EP300: variants seen among roughly 807,000 people sequenced by gnomAD.
EP300 encodes the protein EP300 lysine acetyltransferase.
Under a neutral mutation model 264.0 loss-of-function variants are expected in EP300, and 31 were observed. The ratio of observed to expected loss-of-function variants is 0.12; its 90% CI spans 0.09 to 0.16. The LOEUF (loss-of-function observed/expected upper bound fraction) is 0.16. Among genes scored for constraint, EP300 ranks in the 10% least tolerant of loss-of-function variants. The pLI, the probability that EP300 is intolerant of heterozygous loss-of-function variation, is 1.00. For missense variants in EP300, 2,766 were observed against 3,052.9 expected (o/e 0.91, Z 2.21); for synonymous variants, 1,340 against 1,045.4 (o/e 1.28, Z -5.44).
chr22:41,093,108 G>A lies in EP300; in HGVS notation c.94+10G>A, dbSNP rs375565921. On this transcript the variant is annotated intron_variant, in intron 1 of 30. Transcript: ENST00000263253. ...GCCAGCGATGGCACAGGTTAGTTTC[G>A]GCAGCCCCGGCCTTCCACGTTCCCT... is the stretch of plus-strand genomic sequence containing the variant. 6.2e-6 allele frequency: 10 copies of A among 1,613,508 alleles called. No homozygotes were observed. In the African/African-American group the frequency reaches 1.2e-4, roughly 19 times the overall value.
chr22:41,148,932 T>G, intron 12 of EP300, 106 bp from the exon 13 acceptor site: 1 of 1,524,414 alleles, frequency 6.6e-7, no homozygotes, highest in Non-Finnish European at 9.0e-7. Flanking sequence ...GTCTTTGGCT[T>G]TTCTCTACTT....
intron 2 of EP300, among the ~76,000 whole-genome samples, chr22:41,120,995 C>A (rs1427848101): frequency 1.1e-4 from 17 of 152,166 alleles, no homozygotes; most frequent in Admixed American, 1.1e-3. Flanking sequence ...CTAAGCCTGG[C>A]CACATTTTTT....
At chr22:41,140,985 C>A in intron 9 of EP300, 63 bp from the exon 10 acceptor site, 1 of 1,474,614 alleles carries the variant, frequency 6.8e-7, no homozygotes, top group African/African-American at 1.4e-5. Flanking sequence ...TTTATTTTTT[C>A]TGTTACCTGG....
rs1370022797 is a variant in EP300, at chr22:41,170,390, C to T, written c.4287-16C>T. ...TTATCTCTTTTCCTTAATGTTCTTT[C>T]TCTTTGTATTGTTAGTTACACAACA... On this transcript the variant is annotated splice_polypyrimidine_tract_variant and intron_variant, in intron 26 of 30. Transcript: ENST00000263253. 2 of 1,610,726 alleles carry T rather than the reference C, an allele frequency of 1.2e-6. No individual in the cohort carries two copies. The highest frequency in any genetic ancestry group is 1.7e-6 in the Non-Finnish European group (2 of 1,176,974).
chr22:41,152,333 G>T lies in EP300; in HGVS notation c.3125G>T (p.Gly1042Val), dbSNP rs1445263887. ...TSATQSSPAP[G>V]QSKKKIFKPE... is the part of the protein sequence containing the mutation. ...GCTACCCAGTCATCTCCGGCTCCAG[G>T]ACAGTCAAAGAAAAAGAGTGAGTCT... is the stretch of plus-strand genomic sequence containing the variant. The change falls in exon 16 of 31, where the codon GGA becomes GTA. Residue 1042 changes from glycine (G) to valine (V), a missense_variant. Gly to Val is a moderately radical substitution (Grantham distance 109). Coordinates refer to ENST00000263253, the MANE Select transcript of EP300 (RefSeq NM_001429.4). 2 of 1,613,648 alleles carry T rather than the reference G, an allele frequency of 1.2e-6. No homozygotes were observed. The highest frequency in any genetic ancestry group is 1.7e-6 in the Non-Finnish European group (2 of 1,179,810).
intron 1 of EP300, among the ~76,000 whole-genome samples, chr22:41,099,369 T>C (rs2058719076): frequency 6.6e-6 from 1 of 152,190 alleles, no homozygotes; most frequent in African/African-American, 2.4e-5. Flanking sequence ...TAGTCCCCCC[T>C]TATCCTTGCG....
chr22:41,170,540 C>G lies in EP300; in HGVS notation c.4421C>G (p.Ala1474Gly), dbSNP rs1187857902. 2 of 1,613,762 alleles carry G rather than the reference C, an allele frequency of 1.2e-6. No homozygotes were observed. Among genetic ancestry groups the G allele is most frequent in the East Asian group, 4.5e-5 (2 of 44,880 alleles). Residue 1474 changes from alanine (A) to glycine (G), a missense_variant, in exon 27 of 31, where the codon GCT becomes GGT. By Grantham distance (60) the Ala-to-Gly change is moderately conservative. Transcript: ENST00000263253. ...TGGTACAAAAAAATGCTTGACAAGG[C>G]TGTATCAGAGCGTATTGTCCATGAC... ...QEWYKKMLDKAVSERIVHDYK... is the reference protein window; with the variant it reads ...QEWYKKMLDKGVSERIVHDYK...
chr22:41,157,844 T>G (rs867813941), intron 18 of EP300, among the ~76,000 whole-genome samples: 1 of 152,190 alleles, frequency 6.6e-6, no homozygotes, highest in Non-Finnish European at 1.5e-5. Flanking sequence ...TCTTACTGTG[T>G]GCCACAGTAG....
At position 41,177,667 on chromosome 22, in the gene EP300, C is replaced by T. The variant is rs2059209741; in HGVS notation, c.5956C>T (p.Pro1986Ser). 6.2e-7 allele frequency: 1 copy of T among 1,613,842 alleles called. No homozygotes were observed. Among genetic ancestry groups the T allele is most frequent in the Non-Finnish European group, 8.5e-7 (1 of 1,180,040 alleles). The change falls in exon 31 of 31, where the codon CCG becomes TCG. Residue 1986 changes from proline to serine, a missense_variant. Transcript: ENST00000263253. Reference sequence around the variant, plus strand: ...TGGGCATTTGGAGCCAGGGATGGGACCGACAGGGATGCAGCAACAGCCACC... The same window carrying T: ...TGGGCATTTGGAGCCAGGGATGGGATCGACAGGGATGCAGCAACAGCCACC... ...PSGHLEPGMG[P>S]TGMQQQPPWS...
Position 41,177,243 on chromosome 22 carries a change from A to G in EP300, c.5532A>G (p.Gln1844=), listed in dbSNP as rs1483819669. 6.8e-6 allele frequency: 11 copies of G among 1,613,992 alleles called. No individual in the cohort carries two copies. The African/African-American group carries it at 8.0e-5, about 12-fold the overall frequency. The change falls in exon 31 of 31, where the codon CAA becomes CAG. Residue 1844 remains glutamine, a synonymous_variant. Transcript: ENST00000263253. ...SMQRTGVVGQ[Q]QGLPSPTPAT... is the part of the protein sequence containing the mutation. The stretch of plus-strand genomic sequence containing the variant: ...AGCGGACTGGTGTGGTTGGGCAGCA[A>G]CAGGGCCTCCCTTCCCCCACTCCTG...
At chr22:41,157,910 A>G (rs1185913049) in intron 18 of EP300, among the ~76,000 whole-genome samples, 3 of 152,166 alleles carry the variant, frequency 2.0e-5, no homozygotes, top group South Asian at 2.1e-4. Context: ...CAGAGTGGCA[A>G]TTGTATGGAA....
chr22:41,179,006 G>T lies in EP300; in HGVS notation c.*50G>T. On this transcript the variant is annotated 3_prime_UTR_variant, in exon 31 of 31. Transcript: ENST00000263253. ...CAAAAAAATTATTTTCTCTTAACAA[G>T]ACTTTTTGTACTGAAAACAATTTTT... 6.2e-7 allele frequency: 1 copy of T among 1,604,136 alleles called. No individual in the cohort carries two copies. The highest frequency in any genetic ancestry group is 8.5e-7 in the Non-Finnish European group (1 of 1,176,796).
chr22:41,100,202 A>G (rs909543688), intron 1 of EP300, among the ~76,000 whole-genome samples: 1 of 152,140 alleles, frequency 6.6e-6, no homozygotes, highest in Admixed American at 6.5e-5. Context: ...ACCACTGTAC[A>G]CTCCAGCCTA....
At chr22:41,118,889 C>A (rs1243358825) in intron 2 of EP300, among the ~76,000 whole-genome samples, 1 of 151,364 alleles carries the variant, frequency 6.6e-6, no homozygotes, top group African/African-American at 2.4e-5. Context: ...ACTGAGGTGA[C>A]ATGTAGGAAT....
chr22:41,120,832 CCTCAGACTCCTAA>C (rs908067198), intron 2 of EP300, among the ~76,000 whole-genome samples: 1 of 152,210 alleles, frequency 6.6e-6, no homozygotes, highest in Admixed American at 6.5e-5. Context: ...GATCCTCCTA[CCTCAGACTCCTAA>C]GTAGCTAGTA....
intron 5 of EP300, among the ~76,000 whole-genome samples, chr22:41,130,776 ATTATTT>A (rs1357941825): frequency 6.6e-6 from 1 of 151,878 alleles, no homozygotes; most frequent in Non-Finnish European, 1.5e-5. Context: ...AAAATATGAG[ATTATTT>A]TTATAATATT....
Position 41,178,835 on chromosome 22 carries a change from A to C in EP300, c.7124A>C (p.Gln2375Pro). 6.2e-7 allele frequency: 1 copy of C among 1,614,192 alleles called. No homozygotes were observed. Among genetic ancestry groups the C allele is most frequent in the Non-Finnish European group, 8.5e-7 (1 of 1,180,042 alleles). The change falls in exon 31 of 31, where the codon CAG becomes CCG. Residue 2375 changes from glutamine (Q) to proline (P), a missense_variant. Transcript: ENST00000263253. ...ASPDQNSMLS[Q>P]LASNPGMANL... ...CCGGACCAGAATTCAATGCTTTCTC[A>C]GCTTGCTAGCAATCCAGGCATGGCA...
intron 6 of EP300, among the ~76,000 whole-genome samples, chr22:41,135,180 C>T (rs890039547): frequency 6.6e-6 from 1 of 152,106 alleles, no homozygotes; most frequent in African/African-American, 2.4e-5. Flanking sequence ...GATTACAGGA[C>T]GCCCAGCCAG....
chr22:41,178,776 G>GGCCAACCCCATGGAACAAGGGCATTTT lies in EP300; in HGVS notation c.7070_7096dup (p.Asn2357_Ala2365dup), dbSNP rs2059220245. The stretch of plus-strand genomic sequence containing the variant: ...CACATCCTGGACTGGTAGCTGCCCA[G>GGCCAACCCCATGGAACAAGGGCATTTT]GCCAACCCCATGGAACAAGGGCATT... On this transcript the variant is annotated inframe_insertion, in exon 31 of 31. Coordinates refer to ENST00000263253, the MANE Select transcript of EP300 (RefSeq NM_001429.4). 1.9e-6 allele frequency: 3 copies of GGCCAACCCCATGGAACAAGGGCATTTT among 1,613,954 alleles called. No individual in the cohort carries two copies. The highest frequency in any genetic ancestry group is 2.5e-6 in the Non-Finnish European group (3 of 1,180,036).
Sources: gnomAD v4.1 joint callset for allele counts (sites outside exome capture counted in the v4.1 genomes callset) on GRCh38, gnomAD v4.1.1 for gene constraint, MANE v1.5 for transcripts, NCBI Gene and HGNC (gene_info 2026-07-23, HGNC 2026-07-21) for gene names.